BMPR1A: variants seen among roughly 807,000 people sequenced by gnomAD.
The protein encoded by BMPR1A is bone morphogenetic protein receptor type 1A.
BMPR1A carries 7 observed loss-of-function variants against 66.0 expected under a neutral mutation model. The observed-to-expected ratio is 0.11, with a 90% CI of 0.06 to 0.20. The LOEUF is 0.20. Ranked by LOEUF, BMPR1A falls within the 10% of genes least tolerant of loss-of-function variation. The pLI, the probability that BMPR1A is intolerant of heterozygous loss-of-function variation, is 1.00. For missense variants in BMPR1A, 408 were observed against 669.1 expected, an observed-to-expected ratio of 0.61 and a Z score of 4.31; for synonymous variants, 200 against 229.7, an observed-to-expected ratio of 0.87 and a Z score of 1.17.
intron 1 of BMPR1A, among the ~76,000 whole-genome samples, chr10:86,833,926 T>G (rs975852642): frequency 6.6e-6 from 1 of 152,218 alleles, no homozygotes; most frequent in African/African-American, 2.4e-5. Context: ...CATGACAGCA[T>G]CACCAAGGAC....
chr10:86,769,979 G>C (rs957877012), intron 1 of BMPR1A, among the ~76,000 whole-genome samples: 1 of 152,132 alleles, frequency 6.6e-6, no homozygotes, highest in African/African-American at 2.4e-5. Context: ...CTGGACAGGG[G>C]AGCAAAAGTA....
At chr10:86,893,818 TG>T (rs1362969519) in intron 5 of BMPR1A, among the ~76,000 whole-genome samples, 6 of 151,444 alleles carry the variant, frequency 4.0e-5, no homozygotes, top group Non-Finnish European at 8.8e-5. Context: ...ATTCTCAGGA[TG>T]GATAGAAACC....
chr10:86,793,647 C>T (rs1346459235), intron 1 of BMPR1A, among the ~76,000 whole-genome samples: 1 of 152,056 alleles, frequency 6.6e-6, no homozygotes, highest in East Asian at 1.9e-4. Flanking sequence ...TGCGCCAGGC[C>T]TGACAGATAG....
chr10:86,835,548 T>TG (rs1564698905), intron 1 of BMPR1A, among the ~76,000 whole-genome samples: 1 of 11,282 alleles, frequency 8.9e-5, no homozygotes, highest in African/African-American at 4.2e-4. Flanking sequence ...AGACTCTGTA[T>TG]CAAAAAAAAA....
At chr10:86,777,865 TAGCC>T (rs1371589372) in intron 1 of BMPR1A, among the ~76,000 whole-genome samples, 1 of 151,938 alleles carries the variant, frequency 6.6e-6, no homozygotes, top group African/African-American at 2.4e-5. Flanking sequence ...AATACAAAAT[TAGCC>T]AGGCATGGTG....
intron 1 of BMPR1A, among the ~76,000 whole-genome samples, chr10:86,773,818 T>G (rs1186655592): frequency 1.3e-5 from 2 of 151,708 alleles, no homozygotes; most frequent in Non-Finnish European, 2.9e-5. Context: ...ATCACTGTGA[T>G]ATGCACATTT....
At chr10:86,895,715 A>G (rs1169336474) in intron 5 of BMPR1A, among the ~76,000 whole-genome samples, 1 of 152,032 alleles carries the variant, frequency 6.6e-6, no homozygotes, top group South Asian at 2.1e-4. Context: ...ATTTGTTTCA[A>G]AAGTCCCATC....
intron 2 of BMPR1A, among the ~76,000 whole-genome samples, chr10:86,849,690 C>T (rs1319753226): frequency 6.6e-6 from 1 of 152,208 alleles, no homozygotes; most frequent in African/African-American, 2.4e-5. Context: ...TTAGTGGCTA[C>T]TTTATTGAGT....
intron 2 of BMPR1A, among the ~76,000 whole-genome samples, chr10:86,865,344 A>G (rs181685774): frequency 2.0e-5 from 3 of 152,250 alleles, no homozygotes; most frequent in Admixed American, 6.5e-5. Context: ...TACCTTGTGA[A>G]AGTCCTTTTC....
intron 1 of BMPR1A, among the ~76,000 whole-genome samples, chr10:86,836,508 G>A (rs1722442485): frequency 6.6e-6 from 1 of 152,038 alleles, no homozygotes; most frequent in African/African-American, 2.4e-5. Context: ...TTTAGGAAAC[G>A]TTTTCTGGGC....
rs146226215 is a variant in BMPR1A at position 86,859,468 on chromosome 10, C to A, written c.-152-16399C>A. Among the ~76,000 whole-genome samples, 597 of 152,096 alleles carry A rather than the reference C, an allele frequency of 3.9e-3. 1 individual carries two copies. Among genetic ancestry groups the A allele is most frequent in the African/African-American group, 0.014 (571 of 41,494 alleles). On this transcript the variant is annotated intron_variant, in intron 2 of 12. Coordinates refer to ENST00000372037, the MANE Select transcript of BMPR1A (RefSeq NM_004329.3). The stretch of plus-strand genomic sequence containing the variant: ...ATAGGTGTGAGCCATTAGCGCCCAG[C>A]TAAATACTGTATTTTCAGCCCATGT...
chr10:86,763,390 A>T (rs1841104770), intron 1 of BMPR1A, among the ~76,000 whole-genome samples: 2 of 152,192 alleles, frequency 1.3e-5, no homozygotes, highest in South Asian at 4.1e-4. Context: ...CGGATGCCAC[A>T]CTAACCCAAT....
intron 8 of BMPR1A, among the ~76,000 whole-genome samples, chr10:86,913,806 G>C (rs967442935): frequency 1.3e-5 from 2 of 152,174 alleles, no homozygotes; most frequent in Non-Finnish European, 2.9e-5. Flanking sequence ...TTATAAATCT[G>C]AGGACTCAGT....
chr10:86,797,910 A>G (rs1333852579), intron 1 of BMPR1A, among the ~76,000 whole-genome samples: 2 of 152,160 alleles, frequency 1.3e-5, no homozygotes, highest in African/African-American at 4.8e-5. Context: ...TTAAGTGAAT[A>G]TATTTATATA....
intron 1 of BMPR1A, among the ~76,000 whole-genome samples, chr10:86,820,060 G>A (rs868611643): frequency 1.6e-4 from 25 of 152,046 alleles, no homozygotes; most frequent in South Asian, 6.2e-4. Flanking sequence ...TTTTGTTTGA[G>A]ACAGGGTCTA....
chr10:86,793,669 G>C (rs934086892), intron 1 of BMPR1A, among the ~76,000 whole-genome samples: 69 of 152,082 alleles, frequency 4.5e-4, no homozygotes, highest in African/African-American at 1.6e-3. Context: ...TTTTTTAGAT[G>C]GTGTAAGACA....
chr10:86,812,264 G>A (rs932964308), intron 1 of BMPR1A, among the ~76,000 whole-genome samples: 2 of 152,176 alleles, frequency 1.3e-5, no homozygotes, highest in Admixed American at 6.5e-5. Context: ...CTCTAGTTTT[G>A]TCTTTTTGAA....
downstream of BMPR1A, chr10:86,928,599 TAAAA>T (rs34123971): frequency 6.6e-6 from 1 of 152,150 alleles, no homozygotes; most frequent in African/African-American, 2.4e-5. Flanking sequence ...ATAAAGCAAA[TAAAA>T]ATCACTCAAA....
At position 86,835,549 on chromosome 10, in the gene BMPR1A, C is replaced by CAAAAAAAAAAAAAAAA; in HGVS notation, c.-267-3292_-267-3277dup. On this transcript the variant is annotated intron_variant, in intron 1 of 12. Transcript: ENST00000372037. ...CTGGGTGACAAGCAAGACTCTGTAT[C>CAAAAAAAAAAAAAAAA]AAAAAAAAAAAAAAAAAAAAAAAAA... Among the ~76,000 whole-genome samples, 47 of 44,332 alleles carry CAAAAAAAAAAAAAAAA rather than the reference C, an allele frequency of 1.1e-3. 4 individuals are homozygous for CAAAAAAAAAAAAAAAA. The highest frequency in any genetic ancestry group is 1.8e-3 in the East Asian group (3 of 1,648). The allele number at this position is 44,332 out of a possible 152,430, so 29.1% of individuals were successfully genotyped here. A position where few individuals can be genotyped will look rare whatever the true frequency, so the allele number is the denominator to read the frequency against.
Sources: gnomAD v4.1 joint callset for allele counts (sites outside exome capture counted in the v4.1 genomes callset) on GRCh38, gnomAD v4.1.1 for gene constraint, MANE v1.5 for transcripts, NCBI Gene and HGNC (gene_info 2026-07-23, HGNC 2026-07-21) for gene names.